CCDC86: variants seen among roughly 807,000 people sequenced by gnomAD.
CCDC86 encodes the protein coiled-coil domain-containing protein 86.
Under a neutral mutation model 36.7 loss-of-function variants are expected in CCDC86, and 28 were observed. The observed-to-expected ratio is 0.76, with a 90% CI of 0.57 to 1.05. CCDC86 has a LOEUF of 1.05. CCDC86 is among the 50% of genes least tolerant of loss of function. CCDC86 has a pLI of 0.00. For missense variants in CCDC86, 453 were observed against 470.2 expected, an observed-to-expected ratio of 0.96 and a Z score of 0.34; for synonymous variants, 199 against 203.4, an observed-to-expected ratio of 0.98 and a Z score of 0.18.
Position 60,850,258 on chromosome 11 carries a change from T to G in CCDC86, c.1016T>G (p.Ile339Ser). The change falls in exon 4 of 4, where the codon ATT (isoleucine) becomes AGT (serine). Residue 339 changes from isoleucine to serine, a missense_variant. Coordinates refer to ENST00000227520, the MANE Select transcript of CCDC86 (RefSeq NM_024098.4). ...KRAKKKQLRS[I>S]EKRDTLALLQ... is the part of the protein sequence containing the mutation. Reference sequence around the variant, plus strand: ...GCAAAGAAGAAGCAGCTGCGCTCCATTGAGAAGCGGGACACCCTGGCCCTG... The same window carrying G: ...GCAAAGAAGAAGCAGCTGCGCTCCAGTGAGAAGCGGGACACCCTGGCCCTG... The G allele has an allele frequency of 2.5e-6, 4 of 1,614,188 alleles. No homozygotes were observed. In the African/African-American group the frequency reaches 5.3e-5, roughly 22 times the overall value.
rs758651339 is a variant in CCDC86 at position 60,842,278 on chromosome 11, C to T, written c.154C>T (p.Gln52Ter). The part of the protein sequence containing the change: ...TREPGSPPSV[Q>*]RAGLGSPERP... ...GGAGCCCGGGTCTCCTCCGAGTGTG[C>T]AGCGGGCTGGCCTGGGGTCCCCCGA... is the stretch of plus-strand genomic sequence containing the variant. Residue 52 changes from glutamine (Q) to a stop codon, truncating the protein, a stop_gained, in exon 1 of 4, where the codon CAG becomes TAG. Transcript: ENST00000227520. LOFTEE classifies it high-confidence loss of function. The T allele has an allele frequency of 6.2e-7, 1 of 1,613,502 alleles. No individual in the cohort carries two copies. Among genetic ancestry groups the T allele is most frequent in the Non-Finnish European group, 8.5e-7 (1 of 1,179,940 alleles).
At chr11:60,850,158 G>T in intron 3 of CCDC86, 48 bp from the exon 4 acceptor site, 1 of 1,611,710 alleles carries the variant, frequency 6.2e-7, no homozygotes, top group South Asian at 1.1e-5. Flanking sequence ...TGGGAATTTG[G>T]ACCGAGGCTG....
At position 60,848,046 on chromosome 11, in the gene CCDC86, G is replaced by A. The variant is rs1565096399; in HGVS notation, c.881G>A (p.Arg294His). ...CACCTGGAGGAGGAGAAGGAGAGGC[G>A]CCGCCAGGTGAGGGGCCAGCCAGGC... ...ARHLEEEKERRRQEKKQRRAE... is the reference protein window; with the variant it reads ...ARHLEEEKERHRQEKKQRRAE... Residue 294 changes from arginine to histidine, a missense_variant, in exon 2 of 4, where the codon CGC becomes CAC. Physicochemically the swap from Arg to His is conservative, Grantham distance 29. Transcript: ENST00000227520. 12 of 1,612,388 alleles carry A rather than the reference G, an allele frequency of 7.4e-6. No individual in the cohort carries two copies. Among genetic ancestry groups the A allele is most frequent in the African/African-American group, 1.3e-5 (1 of 74,868 alleles).
chr11:60,843,550 T>C (rs981168458), intron 1 of CCDC86, among the ~76,000 whole-genome samples: 1 of 152,222 alleles, frequency 6.6e-6, no homozygotes, highest in Non-Finnish European at 1.5e-5. Flanking sequence ...TCCCTGTAGA[T>C]CCACCTTGAA....
Position 60,842,556 on chromosome 11 carries a change from G to A in CCDC86, c.432G>A (p.Glu144=). 6.2e-7 allele frequency: 1 copy of A among 1,613,312 alleles called. No individual in the cohort carries two copies. Among genetic ancestry groups the A allele is most frequent in the Non-Finnish European group, 8.5e-7 (1 of 1,179,834 alleles). ...CGGAGTTGGCCCAGAATAAGGAGGAGCTGACCCCGGGGGCCCCCCAGCATC... is the reference window on the plus strand; with the variant it reads ...CGGAGTTGGCCCAGAATAAGGAGGAACTGACCCCGGGGGCCCCCCAGCATC... ...LASELAQNKE[E]LTPGAPQHQL... is the part of the protein sequence containing the mutation. The change falls in exon 1 of 4, where the codon GAG becomes GAA. Residue 144 remains glutamate (E), a synonymous_variant. Coordinates refer to ENST00000227520, the MANE Select transcript of CCDC86 (RefSeq NM_024098.4).
At chr11:60,847,198 C>G (rs1332606622) in intron 1 of CCDC86, among the ~76,000 whole-genome samples, 2 of 152,160 alleles carry the variant, frequency 1.3e-5, no homozygotes, top group Middle Eastern at 3.4e-3. Flanking sequence ...ATTGTTGTAC[C>G]TCAGCCTCCC....
Position 60,842,500 on chromosome 11 carries a change from A to G in CCDC86, c.376A>G (p.Lys126Glu), listed in dbSNP as rs1424984783. 7 of 1,613,568 alleles carry G rather than the reference A, an allele frequency of 4.3e-6. No individual in the cohort carries two copies. The highest frequency in any genetic ancestry group is 5.9e-6 in the Non-Finnish European group (7 of 1,179,862). Residue 126 changes from lysine (K) to glutamate (E), a missense_variant, in exon 1 of 4, where the codon AAG (lysine) becomes GAG (glutamate). By Grantham distance (56) the Lys-to-Glu change is moderately conservative. Coordinates refer to ENST00000227520, the MANE Select transcript of CCDC86 (RefSeq NM_024098.4). ...GCCGAAGCCAAGTGAGGAGGCACCA[A>G]AGTGTTCTCAGGACCAGGGAGTACT... Reference protein sequence around the residue: ...CQPKPSEEAPKCSQDQGVLAS... With the variant: ...CQPKPSEEAPECSQDQGVLAS...
chr11:60,844,729 G>C (rs980091003), intron 1 of CCDC86, among the ~76,000 whole-genome samples: 1 of 152,168 alleles, frequency 6.6e-6, no homozygotes, highest in Non-Finnish European at 1.5e-5. Flanking sequence ...CCTTTAAACC[G>C]GAGGCTCCGT....
chr11:60,848,145 G>C (rs1855211422), intron 2 of CCDC86, 92 bp downstream of exon 2: 1 of 1,446,706 alleles, frequency 6.9e-7, no homozygotes, highest in Non-Finnish European at 9.3e-7. Flanking sequence ...ACGGGTGCCT[G>C]GGGGAGGCCG....
chr11:60,850,140 C>G lies in CCDC86; in HGVS notation c.964-66C>G. 3 of 1,609,728 alleles carry G rather than the reference C, an allele frequency of 1.9e-6. No individual in the cohort carries two copies. In the South Asian group the frequency reaches 3.3e-5, roughly 18 times the overall value. ...CTCAGGCCCCTGTGGGGCGGCCTTCCTCTCCCCTGGGAATTTGGACCGAGG... is the reference window on the plus strand; with the variant it reads ...CTCAGGCCCCTGTGGGGCGGCCTTCGTCTCCCCTGGGAATTTGGACCGAGG... On this transcript the variant is annotated intron_variant, in intron 3 of 3. Transcript: ENST00000227520.
Position 60,842,133 on chromosome 11 carries a change from A to G in CCDC86, c.9A>G (p.Thr3=). MD[T]PLRRSRRLGG... ...AACTTACCGGCTGAGCCATGGATAC[A>G]CCGTTAAGGCGCAGCCGACGGCTGG... is the stretch of plus-strand genomic sequence containing the variant. The change falls in exon 1 of 4, where the codon ACA becomes ACG. Residue 3 remains threonine, a synonymous_variant. Transcript: ENST00000227520. 8.2e-6 allele frequency: 13 copies of G among 1,578,572 alleles called. No individual in the cohort carries two copies. Among genetic ancestry groups the G allele is most frequent in the Non-Finnish European group, 1.1e-5 (13 of 1,163,612 alleles).
chr11:60,846,866 G>A (rs966442692), intron 1 of CCDC86, among the ~76,000 whole-genome samples: 9 of 137,076 alleles, frequency 6.6e-5, no homozygotes, highest in South Asian at 2.7e-4. Context: ...GAGCCACTGC[G>A]CCCGGCTGAT....
rs1855237684 is a variant in CCDC86 at position 60,850,017 on chromosome 11, G to A, written c.963+3G>A. On this transcript the variant is annotated splice_donor_region_variant and intron_variant, in intron 3 of 3. Transcript: ENST00000227520. ...GGAAGGCAGAGGTCGTCCAAGTGGT[G>A]AGTGTCTCGTTTTCCCCCTCTGCCC... 1.2e-6 allele frequency: 2 copies of A among 1,613,988 alleles called. No homozygotes were observed. The highest frequency in any genetic ancestry group is 1.3e-5 in the African/African-American group (1 of 74,936).
intron 2 of CCDC86, 61 bp from the exon 3 acceptor site, chr11:60,849,879 C>A: frequency 1.4e-6 from 2 of 1,402,612 alleles, no homozygotes; most frequent in Non-Finnish European, 2.0e-6. Flanking sequence ...TCTTCTGGGG[C>A]CTGAGAGACC....
rs1855237906 is a variant in CCDC86 at position 60,850,031 on chromosome 11, C to A, written c.963+17C>A. 7 of 1,613,430 alleles carry A rather than the reference C, an allele frequency of 4.3e-6. No individual in the cohort carries two copies. The highest frequency in any genetic ancestry group is 5.1e-6 in the Non-Finnish European group (6 of 1,179,592). On this transcript the variant is annotated intron_variant, in intron 3 of 3. Coordinates refer to ENST00000227520, the MANE Select transcript of CCDC86 (RefSeq NM_024098.4). ...GTCCAAGTGGTGAGTGTCTCGTTTT[C>A]CCCCTCTGCCCTTCTGCCCCACTTG...
At chr11:60,846,109 G>C (rs139213987) in intron 1 of CCDC86, among the ~76,000 whole-genome samples, 99 of 152,302 alleles carry the variant, frequency 6.5e-4, no homozygotes, top group Non-Finnish European at 1.1e-3. Flanking sequence ...CGTTCTGTTT[G>C]ACAGCCCTGC....
At position 60,850,714 on chromosome 11, in the gene CCDC86, A is replaced by C. The variant is rs1855253172; in HGVS notation, c.*389A>C. On this transcript the variant is annotated 3_prime_UTR_variant, in exon 4 of 4. Coordinates refer to ENST00000227520, the MANE Select transcript of CCDC86 (RefSeq NM_024098.4). The stretch of plus-strand genomic sequence containing the variant: ...AGGTCCATCCCAGGCCTGGAGGCTG[A>C]CAGTTGGGAATCCAGCTTCCCCCAC... 1 of 177,254 alleles carries C rather than the reference A, an allele frequency of 5.6e-6. No homozygotes were observed. The highest frequency in any genetic ancestry group is 2.4e-5 in the African/African-American group (1 of 42,196). The allele number at this position is 177,254 out of a possible 1,614,324, so 11.0% of individuals were successfully genotyped here. A position where few individuals can be genotyped will look rare whatever the true frequency, so the allele number is the denominator to read the frequency against.
chr11:60,846,616 C>G (rs1855185899), intron 1 of CCDC86, among the ~76,000 whole-genome samples: 1 of 151,682 alleles, frequency 6.6e-6, no homozygotes, highest in South Asian at 2.1e-4. Context: ...TTCTTGTTGC[C>G]CAGGCCAGAG....
intron 1 of CCDC86, among the ~76,000 whole-genome samples, chr11:60,843,356 A>G (rs55885257): frequency 5.3e-5 from 8 of 152,224 alleles, no homozygotes; most frequent in Admixed American, 2.0e-4. Context: ...TTACCAGTCA[A>G]CAGCCTTTCA....
Sources: gnomAD v4.1 joint callset for allele counts (sites outside exome capture counted in the v4.1 genomes callset) on GRCh38, gnomAD v4.1.1 for gene constraint, MANE v1.5 for transcripts, NCBI Gene and HGNC (gene_info 2026-07-23, HGNC 2026-07-21) for gene names.